Variants in UBE3C observed in about 807,000 individuals in gnomAD.
The protein encoded by UBE3C is ubiquitin-protein ligase E3C.
UBE3C carries 42 observed loss-of-function variants against 129.4 expected under a neutral mutation model. The observed-to-expected ratio is 0.32, with a 90% CI of 0.25 to 0.42. UBE3C has a LOEUF of 0.42. Ranked by LOEUF, UBE3C falls within the 10% of genes least tolerant of loss-of-function variation. The pLI, the probability that UBE3C is intolerant of heterozygous loss-of-function variation, is 1.00. For missense variants in UBE3C, 1,049 were observed against 1,319.1 expected (o/e 0.80, Z 3.17); for synonymous variants, 510 against 492.4 (o/e 1.04, Z -0.47).
chr7:157,155,516 A>G (rs1440785699), intron 1 of UBE3C, among the ~76,000 whole-genome samples: 1 of 152,178 alleles, frequency 6.6e-6, no homozygotes, highest in African/African-American at 2.4e-5. Context: ...GGTCTTTTGG[A>G]AGTTACTTAA....
chr7:157,206,013 C>T (rs748982331), intron 11 of UBE3C, among the ~76,000 whole-genome samples: 1 of 152,194 alleles, frequency 6.6e-6, no homozygotes, highest in African/African-American at 2.4e-5. Flanking sequence ...GGTTACATCT[C>T]ATCTAATATA....
intron 9 of UBE3C, among the ~76,000 whole-genome samples, chr7:157,184,274 A>T (rs1447024067): frequency 6.6e-6 from 1 of 152,178 alleles, no homozygotes; most frequent in Non-Finnish European, 1.5e-5. Flanking sequence ...TTTAGGCAAA[A>T]TAGGATCATA....
chr7:157,267,037 G>A (rs192621678), intron 22 of UBE3C, among the ~76,000 whole-genome samples: 1 of 152,280 alleles, frequency 6.6e-6, no homozygotes, highest in East Asian at 1.9e-4. Context: ...TATGCGCCTG[G>A]CCTGGAATGT....
Position 157,268,994 on chromosome 7 carries a change from G to T in UBE3C, c.*1239G>T, listed in dbSNP as rs940860943. 7.9e-5 allele frequency: 12 copies of T among 152,594 alleles called. No individual in the cohort carries two copies. The highest frequency in any genetic ancestry group is 2.9e-4 in the African/African-American group (12 of 41,428). The allele number at this position is 152,594 out of a possible 1,614,324, so 9.5% of individuals were successfully genotyped here. ...GCTCTGTGGGCTGTCATAGTTAATT[G>T]ACCATAATTAGCAATATACTTTTAA... On this transcript the variant is annotated 3_prime_UTR_variant, in exon 23 of 23. Transcript: ENST00000348165.
At chr7:157,247,129 A>C (rs902663199) in intron 18 of UBE3C, among the ~76,000 whole-genome samples, 10 of 152,104 alleles carry the variant, frequency 6.6e-5, no homozygotes. Context: ...CAGGTGATCC[A>C]GCCGCCTCAG....
intron 19 of UBE3C, among the ~76,000 whole-genome samples, chr7:157,249,063 T>A (rs1280942405): frequency 6.6e-6 from 1 of 152,242 alleles, no homozygotes; most frequent in Non-Finnish European, 1.5e-5. Flanking sequence ...AGATTCAAAC[T>A]GATTTTCTTA....
At chr7:157,196,928 C>T (rs1809136588) in intron 10 of UBE3C, among the ~76,000 whole-genome samples, 1 of 152,140 alleles carries the variant, frequency 6.6e-6, no homozygotes, top group African/African-American at 2.4e-5. Context: ...GAGATAGCGC[C>T]ATTGCACTCC....
At chr7:157,242,823 A>G (rs1252058043) in intron 18 of UBE3C, among the ~76,000 whole-genome samples, 3 of 152,058 alleles carry the variant, frequency 2.0e-5, no homozygotes, top group South Asian at 2.1e-4. Flanking sequence ...TTGGGAGGCC[A>G]AGGCGGGAGA....
intron 22 of UBE3C, among the ~76,000 whole-genome samples, chr7:157,262,409 C>CTTTT (rs371300314): frequency 0.38 from 20,735 of 53,928 alleles, 8,979 homozygotes; most frequent in Non-Finnish European, 0.47. Flanking sequence ...TCTTCATAGG[C>CTTTT]TTTTTTTTTT....
At chr7:157,151,538 C>T (rs1228182649) in intron 1 of UBE3C, among the ~76,000 whole-genome samples, 2 of 152,118 alleles carry the variant, frequency 1.3e-5, no homozygotes, top group African/African-American at 4.8e-5. Flanking sequence ...GCTGGCTTTT[C>T]TTGTGAACTG....
chr7:157,256,174 A>T (rs1017608284), intron 21 of UBE3C, among the ~76,000 whole-genome samples: 1 of 151,896 alleles, frequency 6.6e-6, no homozygotes, highest in African/African-American at 2.4e-5. Flanking sequence ...GGCGAATCTC[A>T]CCCTGTCACC....
chr7:157,243,039 A>G (rs1796384282), intron 18 of UBE3C, among the ~76,000 whole-genome samples: 4 of 152,002 alleles, frequency 2.6e-5, no homozygotes, highest in Admixed American at 2.6e-4. Context: ...TGGGTGAAAG[A>G]GGGAAACTCC....
intron 1 of UBE3C, among the ~76,000 whole-genome samples, chr7:157,139,586 G>C (rs533647325): frequency 3.3e-5 from 5 of 152,220 alleles, no homozygotes; most frequent in African/African-American, 1.2e-4. Context: ...TGGACTCGGG[G>C]CCTCCCTGGC....
At chr7:157,252,351 C>T (rs890855792) in intron 19 of UBE3C, among the ~76,000 whole-genome samples, 1 of 152,182 alleles carries the variant, frequency 6.6e-6, no homozygotes, top group Non-Finnish European at 1.5e-5. Context: ...GCTTGGTTAA[C>T]AGATGGACTG....
intron 10 of UBE3C, chr7:157,197,516 T>G (rs1029078299): frequency 6.8e-6 from 6 of 878,596 alleles, no homozygotes; most frequent in South Asian, 5.9e-5. Flanking sequence ...TTTGTTTTTT[T>G]TTTTTTTTAA....
chr7:157,248,782 G>T (rs1163750188), intron 19 of UBE3C, among the ~76,000 whole-genome samples: 1 of 152,182 alleles, frequency 6.6e-6, no homozygotes, highest in Non-Finnish European at 1.5e-5. Context: ...CTGCTCCCAC[G>T]CATGAAGCCT....
Position 157,186,979 on chromosome 7 carries a change from A to G in UBE3C, c.1289A>G (p.His430Arg), listed in dbSNP as rs538188375. ...EVFTTMASVC[H>R]TLMVQHRMMV... ...TTCACCACCATGGCCTCCGTCTGCC[A>G]CACGCTGATGGTGCAGCACCGCATG... The change falls in exon 10 of 23, where the codon CAC (histidine) becomes CGC (arginine). Residue 430 changes from histidine to arginine, a missense_variant. Physicochemically the swap from His to Arg is conservative, Grantham distance 29. This residue lies in a region of UBE3C where 489 missense variants were observed against 513.8 expected (regional missense o/e 0.95). Coordinates refer to ENST00000348165, the MANE Select transcript of UBE3C (RefSeq NM_014671.3). The G allele has an allele frequency of 3.7e-6, 6 of 1,612,146 alleles. 1 individual carries two copies. The South Asian group carries it at 6.6e-5, about 18-fold the overall frequency.
At chr7:157,197,511 T>C in intron 10 of UBE3C, 5 of 323,644 alleles carry the variant, frequency 1.5e-5, no homozygotes, top group Non-Finnish European at 2.0e-5. Flanking sequence ...AATAATTTGT[T>C]TTTTTTTTTT....
rs199574006 is a variant in UBE3C, at chr7:157,207,541, G to A, written c.1562G>A (p.Gly521Asp). The A allele has an allele frequency of 2.5e-6, 4 of 1,612,602 alleles. No individual in the cohort carries two copies. The African/African-American group carries it at 5.3e-5, about 22-fold the overall frequency. The change falls in exon 12 of 23, where the codon GGT becomes GAT. Residue 521 changes from glycine (G) to aspartate (D), a missense_variant. By Grantham distance (94) the Gly-to-Asp change is moderately conservative. This residue lies in a region of UBE3C where 314 missense variants were observed against 416.9 expected (regional missense o/e 0.75). Transcript: ENST00000348165. ...TCCATACATGATAACGAATTCTTCG[G>A]TGATCCCATAGAAGGTAAGGATTTT... Reference protein sequence around the residue: ...LISIHDNEFFGDPIEVVGQRQ... With the variant: ...LISIHDNEFFDDPIEVVGQRQ...
Sources: gnomAD v4.1 joint callset for allele counts (sites outside exome capture counted in the v4.1 genomes callset) on GRCh38, gnomAD v4.1.1 for gene constraint, gnomAD v4.1.1 regional missense constraint, MANE v1.5 for transcripts, NCBI Gene and HGNC (gene_info 2026-07-23, HGNC 2026-07-21) for gene names.